The following HM13 variants were observed in gnomAD, a reference collection of about 807,000 sequenced individuals.
HM13 encodes the protein histocompatibility minor 13, also known as signal peptide peptidase.
In HM13, 18 loss-of-function variants were observed where a neutral mutation model predicts 50.0. The ratio of observed to expected loss-of-function variants is 0.36; its 90% CI spans 0.25 to 0.53. The LOEUF is 0.53. Among genes scored for constraint, HM13 ranks in the 20% least tolerant of loss-of-function variants. The pLI is 0.90. For synonymous variants in HM13, 197 were observed against 232.6 expected (o/e 0.85, Z 1.39); for missense variants, 393 against 552.4 (o/e 0.71, Z 2.89).
intron 8 of HM13, among the ~76,000 whole-genome samples, chr20:31,558,627 C>T (rs369864901): frequency 1.3e-5 from 2 of 152,150 alleles, no homozygotes; most frequent in African/African-American, 4.8e-5. Context: ...AGGTCTCATC[C>T]TGTTACACCT....
At chr20:31,563,312 G>A (rs556119886) in intron 10 of HM13, 2 of 152,406 alleles carry the variant, frequency 1.3e-5, no homozygotes, top group African/African-American at 4.8e-5. Context: ...GGGGTCCCCT[G>A]CTCTCCAACA....
intron 4 of HM13, chr20:31,548,129 C>A: frequency 3.2e-6 from 3 of 925,966 alleles, no homozygotes; most frequent in Non-Finnish European, 5.3e-6. Flanking sequence ...TGTGTGACAG[C>A]GTGAATACAA....
intron 8 of HM13, among the ~76,000 whole-genome samples, chr20:31,556,173 G>C (rs1341818506): frequency 6.6e-6 from 1 of 151,382 alleles, no homozygotes; most frequent in Non-Finnish European, 1.5e-5. Flanking sequence ...CAAGTAGCTG[G>C]GATTATAGGC....
intron 11 of HM13, chr20:31,567,847 T>C (rs1311151441): frequency 5.7e-6 from 3 of 523,626 alleles, no homozygotes; most frequent in Admixed American, 7.5e-5. Flanking sequence ...CATACACTTC[T>C]AGAGCATGCT....
rs1429711962 is a variant in HM13, at chr20:31,525,937, C to A, written c.184-1547C>A. ...GGCCAGGAGTTTGAGACCAGCCTGGCCGACATTGTGAAACCCCCTCTCTGC... is the reference window on the plus strand; with the variant it reads ...GGCCAGGAGTTTGAGACCAGCCTGGACGACATTGTGAAACCCCCTCTCTGC... On this transcript the variant is annotated intron_variant, in intron 1 of 12. Transcript: ENST00000398174. Among the ~76,000 whole-genome samples the A allele has an allele frequency of 4.0e-5, 6 of 151,876 alleles. 1 individual carries two copies. Among genetic ancestry groups the A allele is most frequent in the Admixed American group, 3.9e-4 (6 of 15,226 alleles).
intron 3 of HM13, 42 bp from the exon 4 acceptor site, chr20:31,544,905 A>G (rs374840062): frequency 3.2e-6 from 5 of 1,555,326 alleles, no homozygotes; most frequent in Non-Finnish European, 4.4e-6. Context: ...CTGACTGCCC[A>G]TGGGGGCTCT....
rs1981633228 is a variant in HM13, at chr20:31,514,478, C to T, written c.-74C>T. 3.3e-6 allele frequency: 5 copies of T among 1,500,990 alleles called. No individual in the cohort carries two copies. Among genetic ancestry groups the T allele is most frequent in the Non-Finnish European group, 3.6e-6 (4 of 1,108,392 alleles). The allele number at this position is 1,500,990 out of a possible 1,614,324, so 93.0% of individuals were successfully genotyped here. A position where few individuals can be genotyped will look rare whatever the true frequency, so the allele number is the denominator to read the frequency against. ...CCTTAGGGGAACGTGGCTTTCCCTG[C>T]AGAGCCGGTGTCTCCGCCTGCGTCC... is the stretch of plus-strand genomic sequence containing the variant. On this transcript the variant is annotated 5_prime_UTR_variant, in exon 1 of 13. Transcript: ENST00000398174. This position sits in a 1 kb window ranked among gnomAD's most constrained non-coding sequence, Gnocchi z 4.3.
At chr20:31,561,601 C>T in intron 9 of HM13, 33 bp from the exon 10 acceptor site, 1 of 1,438,132 alleles carries the variant, frequency 7.0e-7, no homozygotes, top group Non-Finnish European at 9.8e-7. Context: ...CTATATCTAA[C>T]CCTCCTCCTC....
intron 11 of HM13, 112 bp downstream of exon 11, chr20:31,566,407 C>T (rs867961762): frequency 2.4e-6 from 2 of 833,850 alleles, no homozygotes; most frequent in Non-Finnish European, 3.9e-6. Flanking sequence ...TTGTTCCTGC[C>T]ACCAGCCCCA....
intron 8 of HM13, among the ~76,000 whole-genome samples, chr20:31,556,273 G>A (rs1177929312): frequency 3.3e-5 from 5 of 151,900 alleles, no homozygotes; most frequent in African/African-American, 1.2e-4. Context: ...CCCGACCTCA[G>A]GTGATCCACC....
chr20:31,568,470 C>T (rs143191107), intron 12 of HM13, among the ~76,000 whole-genome samples: 2 of 152,322 alleles, frequency 1.3e-5, no homozygotes, highest in African/African-American at 4.8e-5. Flanking sequence ...GGAAATGGCC[C>T]TTGTCATGCA....
intron 7 of HM13, among the ~76,000 whole-genome samples, chr20:31,552,749 G>A (rs115617150): frequency 0.018 from 2,761 of 152,228 alleles, 90 homozygotes; most frequent in African/African-American, 0.063. Flanking sequence ...AAATTGAATG[G>A]TACCAGGATT....
rs1298461888 is a variant in HM13, at chr20:31,544,936, T to C, written c.366-11T>C. 5 of 1,613,330 alleles carry C rather than the reference T, an allele frequency of 3.1e-6. No individual in the cohort carries two copies. In the African/African-American group the frequency reaches 4.0e-5, roughly 13 times the overall value. Reference sequence around the variant, plus strand: ...GCTCTGTTTGCCGACTTGCTTTGTCTTTCCTTCCAGCCCCTTCATGAATAA... The same window carrying C: ...GCTCTGTTTGCCGACTTGCTTTGTCCTTCCTTCCAGCCCCTTCATGAATAA... On this transcript the variant is annotated splice_polypyrimidine_tract_variant and intron_variant, in intron 3 of 12. Transcript: ENST00000398174.
intron 2 of HM13, among the ~76,000 whole-genome samples, chr20:31,537,244 G>C (rs1328540396): frequency 6.6e-6 from 1 of 152,254 alleles, no homozygotes. Flanking sequence ...GCTGCAGTGT[G>C]TAGAGCAAGA....
intron 7 of HM13, 124 bp downstream of exon 7, chr20:31,550,245 C>T (rs947797732): frequency 1.3e-6 from 1 of 745,412 alleles, no homozygotes; most frequent in African/African-American, 1.7e-5. Flanking sequence ...CCTGTGGCTC[C>T]CCAGCCTGGT....
chr20:31,549,638 AG>A (rs1441721003), intron 6 of HM13, among the ~76,000 whole-genome samples: 1 of 152,170 alleles, frequency 6.6e-6, no homozygotes, highest in Admixed American at 6.5e-5. Flanking sequence ...AAAGAAGTTC[AG>A]GTAGGGGTGG....
In HM13 at chr20:31,514,472, T is replaced by A; in HGVS notation, c.-80T>A. On this transcript the variant is annotated 5_prime_UTR_variant, in exon 1 of 13. Transcript: ENST00000398174. The surrounding 1 kb of genome is among the most constrained non-coding windows in gnomAD (Gnocchi z 4.3). ...CTGTTGCCTTAGGGGAACGTGGCTTTCCCTGCAGAGCCGGTGTCTCCGCCT... is the reference window on the plus strand; with the variant it reads ...CTGTTGCCTTAGGGGAACGTGGCTTACCCTGCAGAGCCGGTGTCTCCGCCT... 12 of 1,477,398 alleles carry A rather than the reference T, an allele frequency of 8.1e-6. No individual in the cohort carries two copies. The highest frequency in any genetic ancestry group is 1.1e-5 in the Non-Finnish European group (12 of 1,090,216). 91.5% of individuals were successfully genotyped at this position (1,477,398 alleles called of 1,614,324 possible). A position where few individuals can be genotyped will look rare whatever the true frequency, so the allele number is the denominator to read the frequency against.
intron 2 of HM13, among the ~76,000 whole-genome samples, chr20:31,537,198 G>A (rs1489927500): frequency 6.6e-6 from 1 of 152,274 alleles, no homozygotes; most frequent in African/African-American, 2.4e-5. Context: ...GGGTGGGCAT[G>A]TAGCACACAC....
At chr20:31,555,534 G>C (rs1003900116) in intron 8 of HM13, among the ~76,000 whole-genome samples, 4 of 152,176 alleles carry the variant, frequency 2.6e-5, no homozygotes, top group African/African-American at 9.7e-5. Context: ...AGTCAGGAAA[G>C]AGACTAAGGG....
Sources: allele counts gnomAD v4.1 joint callset (sites outside exome capture counted in the v4.1 genomes callset), GRCh38; gene constraint gnomAD v4.1.1; non-coding constraint Gnocchi (gnomAD v3.1); transcripts MANE v1.5; gene names NCBI Gene and HGNC (gene_info 2026-07-23, HGNC 2026-07-21).